The following PRKN variants were observed in gnomAD, a reference collection of about 807,000 sequenced individuals.
PRKN encodes E3 ubiquitin-protein ligase parkin.
Under a neutral mutation model 59.5 loss-of-function variants are expected in PRKN, and 56 were observed. The observed-to-expected ratio is 0.94, with a 90% CI of 0.76 to 1.18. PRKN has a LOEUF of 1.18. PRKN is among the 50% of genes most tolerant of loss of function. The pLI is 0.00. For missense variants in PRKN, 657 were observed against 596.4 expected, an observed-to-expected ratio of 1.10 and a Z score of -1.06; for synonymous variants, 250 against 222.1, an observed-to-expected ratio of 1.13 and a Z score of -1.12.
chr6:162,486,370 C>A (rs1231874955), intron 1 of PRKN, among the ~76,000 whole-genome samples: 1 of 152,208 alleles, frequency 6.6e-6, no homozygotes, highest in Non-Finnish European at 1.5e-5. Flanking sequence ...GTTAAAGGAA[C>A]TACAGTTCTA....
chr6:161,543,633 A>T (rs1291737866), intron 9 of PRKN, among the ~76,000 whole-genome samples: 1 of 152,222 alleles, frequency 6.6e-6, no homozygotes, highest in South Asian at 2.1e-4. Context: ...ATTTTCATTT[A>T]AATGTGTATT....
At chr6:162,216,329 G>A (rs562010317) in intron 3 of PRKN, among the ~76,000 whole-genome samples, 1 of 151,696 alleles carries the variant, frequency 6.6e-6, no homozygotes, top group African/African-American at 2.4e-5. Context: ...AGGAGATCGA[G>A]ATCATCCTGG....
At chr6:161,649,373 G>A (rs1235035632) in intron 7 of PRKN, among the ~76,000 whole-genome samples, 15 of 152,306 alleles carry the variant, frequency 9.8e-5, no homozygotes, top group Admixed American at 8.5e-4. Context: ...AGAAGTACTT[G>A]AAACAGTAAG....
Position 162,011,243 on chromosome 6 carries a change from A to T in PRKN, c.619-37826T>A, listed in dbSNP as rs369198628. On this transcript the variant is annotated intron_variant, in intron 5 of 11. Coordinates refer to ENST00000366898, the MANE Select transcript of PRKN (RefSeq NM_004562.3). ...ATATATTTATAATATATAATTTATAATATATATAATATAGTATATATTTAT... is the reference window on the plus strand; with the variant it reads ...ATATATTTATAATATATAATTTATATTATATATAATATAGTATATATTTAT... Among the ~76,000 whole-genome samples the T allele has an allele frequency of 4.3e-3, 16 of 3,730 alleles. 2 individuals are homozygous for T. Among genetic ancestry groups the T allele is most frequent in the South Asian group, 0.014 (2 of 144 alleles). The allele number at this position is 3,730 out of a possible 152,430, so 2.4% of individuals were successfully genotyped here.
chr6:162,504,469 G>A (rs888525062), intron 1 of PRKN, among the ~76,000 whole-genome samples: 4 of 152,082 alleles, frequency 2.6e-5, no homozygotes, highest in Admixed American at 6.6e-5. Context: ...ACTGGCATAG[G>A]GAACAGATAA....
chr6:162,160,529 T>C (rs539345490), intron 4 of PRKN, among the ~76,000 whole-genome samples: 4 of 152,168 alleles, frequency 2.6e-5, no homozygotes, highest in African/African-American at 9.6e-5. Flanking sequence ...TAAAAGCATA[T>C]ACACTTATAG....
chr6:162,025,917 C>A (rs1418655630), intron 5 of PRKN, among the ~76,000 whole-genome samples: 2 of 151,990 alleles, frequency 1.3e-5, no homozygotes, highest in Non-Finnish European at 2.9e-5. Flanking sequence ...CTTTTAAATA[C>A]AGGAGCAATC....
At chr6:162,484,192 T>C (rs1344177552) in intron 1 of PRKN, among the ~76,000 whole-genome samples, 1 of 152,162 alleles carries the variant, frequency 6.6e-6, no homozygotes, top group Non-Finnish European at 1.5e-5. Context: ...GTGGAAAATT[T>C]TGAAATTTGA....
In PRKN at chr6:161,957,527, C is replaced by T. The variant is rs540216458; in HGVS notation, c.734+15775G>A. 9.2e-5 allele frequency among the ~76,000 whole-genome samples: 14 copies of T among 151,638 alleles called. 1 individual carries two copies. The South Asian group carries it at 1.7e-3, about 18-fold the overall frequency. The stretch of plus-strand genomic sequence containing the variant: ...GCAACCTCCACCTCCTGCGTTCAAG[C>T]GATCCTCCTGCCTCAGCCTCCCTAG... On this transcript the variant is annotated intron_variant, in intron 6 of 11. Coordinates refer to ENST00000366898, the MANE Select transcript of PRKN (RefSeq NM_004562.3).
At chr6:161,948,278 CG>C (rs1202977215) in intron 6 of PRKN, among the ~76,000 whole-genome samples, 18 of 152,110 alleles carry the variant, frequency 1.2e-4, no homozygotes, top group Non-Finnish European at 2.6e-4. Context: ...TGAGCCACCG[CG>C]CCCGGTTGAG....
chr6:162,694,540 T>C (rs1223688727), intron 1 of PRKN, among the ~76,000 whole-genome samples: 1 of 152,168 alleles, frequency 6.6e-6, no homozygotes, highest in East Asian at 1.9e-4. Flanking sequence ...TTATTCAAAA[T>C]TAAACTGTGT....
rs543097653 is a variant in PRKN at position 161,623,371 on chromosome 6, T to C, written c.872-53955A>G. Among the ~76,000 whole-genome samples, 50 of 152,312 alleles carry C rather than the reference T, an allele frequency of 3.3e-4. No individual in the cohort carries two copies. The South Asian group carries it at 4.1e-3, about 13-fold the overall frequency. On this transcript the variant is annotated intron_variant, in intron 7 of 11. Coordinates refer to ENST00000366898, the MANE Select transcript of PRKN (RefSeq NM_004562.3). Reference sequence around the variant, plus strand: ...TGTAAGTGAATGCATAAATAATAGATACAAAAAGGATTTTATTGTAGTATT... The same window carrying C: ...TGTAAGTGAATGCATAAATAATAGACACAAAAAGGATTTTATTGTAGTATT...
intron 6 of PRKN, among the ~76,000 whole-genome samples, chr6:161,827,984 G>C (rs1451203092): frequency 6.6e-6 from 1 of 152,152 alleles, no homozygotes; most frequent in Non-Finnish European, 1.5e-5. Context: ...TCATGAATTT[G>C]AAATTATACT....
At chr6:162,548,114 C>T (rs1425073397) in intron 1 of PRKN, among the ~76,000 whole-genome samples, 1 of 152,116 alleles carries the variant, frequency 6.6e-6, no homozygotes, top group African/African-American at 2.4e-5. Flanking sequence ...GGCTCGTGTG[C>T]AGTGGCGCAA....
At chr6:161,864,072 G>A (rs1794013690) in intron 6 of PRKN, among the ~76,000 whole-genome samples, 1 of 152,110 alleles carries the variant, frequency 6.6e-6, no homozygotes, top group African/African-American at 2.4e-5. Context: ...TGAAGATTGG[G>A]GTGACTATAG....
chr6:162,647,246 T>C (rs1256279598), intron 1 of PRKN, among the ~76,000 whole-genome samples: 1 of 152,004 alleles, frequency 6.6e-6, no homozygotes, highest in Non-Finnish European at 1.5e-5. Flanking sequence ...TCCAAATACA[T>C]GCATCTTAAA....
chr6:161,751,738 C>T (rs1408899681), intron 7 of PRKN, among the ~76,000 whole-genome samples: 6 of 152,158 alleles, frequency 3.9e-5, no homozygotes. Flanking sequence ...ACCAAATAAA[C>T]TCACCAATGA....
intron 6 of PRKN, among the ~76,000 whole-genome samples, chr6:161,963,684 G>A (rs888251330): frequency 6.6e-6 from 1 of 152,160 alleles, no homozygotes; most frequent in African/African-American, 2.4e-5. Context: ...AACTCAATTA[G>A]TCTATTAAAT....
At chr6:161,978,318 G>A (rs1205883213) in intron 5 of PRKN, among the ~76,000 whole-genome samples, 1 of 152,174 alleles carries the variant, frequency 6.6e-6, no homozygotes, top group African/African-American at 2.4e-5. Context: ...CCAAAGTGCT[G>A]GGATTACAGG....
Sources: gnomAD v4.1 joint callset for allele counts (sites outside exome capture counted in the v4.1 genomes callset) on GRCh38, gnomAD v4.1.1 for gene constraint, MANE v1.5 for transcripts, NCBI Gene and HGNC (gene_info 2026-07-23, HGNC 2026-07-21) for gene names.